The following TMEM132C variants were observed in gnomAD, a reference collection of about 807,000 sequenced individuals.
TMEM132C encodes the protein transmembrane protein 132C.
In TMEM132C, 29 loss-of-function variants were observed where a neutral mutation model predicts 61.4. That is an observed-to-expected ratio of 0.47 (90% CI 0.35 to 0.64). TMEM132C has a LOEUF of 0.64. Among genes scored for constraint, TMEM132C ranks in the 30% least tolerant of loss-of-function variants. The probability of loss-of-function intolerance (pLI) is 0.00; values close to 1 mark genes in which losing one functional copy is unlikely to be tolerated. For missense variants in TMEM132C, 1,408 were observed against 1,476.9 expected (o/e 0.95, Z 0.76); for synonymous variants, 656 against 633.1 (o/e 1.04, Z -0.54).
chr12:128,696,326 A>G (rs1954763764), intron 7 of TMEM132C, among the ~76,000 whole-genome samples: 1 of 152,132 alleles, frequency 6.6e-6, no homozygotes, highest in South Asian at 2.1e-4. Flanking sequence ...CTCATTCTCA[A>G]TGGCTGCCTC....
chr12:128,585,136 C>T (rs566646918), intron 3 of TMEM132C, among the ~76,000 whole-genome samples: 440 of 152,320 alleles, frequency 2.9e-3, no homozygotes, highest in Non-Finnish European at 4.5e-3. Context: ...ACGTACAGGC[C>T]GTGGCTACTT....
chr12:128,584,459 A>C (rs1307905644), intron 3 of TMEM132C, among the ~76,000 whole-genome samples: 1 of 152,290 alleles, frequency 6.6e-6, no homozygotes, highest in Middle Eastern at 3.4e-3. Context: ...TTCTAGTGTA[A>C]GTACTCGTTT....
chr12:128,374,958 A>G (rs10773531), intron 1 of TMEM132C, among the ~76,000 whole-genome samples: 101,859 of 140,852 alleles, frequency 0.72, 40,295 homozygotes, highest in Non-Finnish European at 0.88. Flanking sequence ...ATAGAGACAG[A>G]AATAAAAGAC....
intron 2 of TMEM132C, among the ~76,000 whole-genome samples, chr12:128,481,675 C>T (rs1279273828): frequency 6.6e-6 from 1 of 152,122 alleles, no homozygotes; most frequent in Non-Finnish European, 1.5e-5. Context: ...CCTGCCTTCC[C>T]AAAAAGGGAA....
chr12:128,533,178 C>A (rs11059739), intron 2 of TMEM132C, among the ~76,000 whole-genome samples: 5,650 of 152,194 alleles, frequency 0.037, 142 homozygotes, highest in Middle Eastern at 0.12. Context: ...GGCTTTCCTG[C>A]GCAATGCCCA....
intron 3 of TMEM132C, among the ~76,000 whole-genome samples, chr12:128,609,261 AGTTACCCCCAC>A (rs1876543758): frequency 2.4e-5 from 1 of 41,732 alleles, no homozygotes; most frequent in African/African-American, 9.7e-5. Flanking sequence ...CCTCCCTGCA[AGTTACCCCCAC>A]CTCCCTGCAA....
At chr12:128,340,532 A>AT (rs143376715) in intron 1 of TMEM132C, among the ~76,000 whole-genome samples, 12,280 of 152,240 alleles carry the variant, frequency 0.081, 921 homozygotes, top group African/African-American at 0.2. Flanking sequence ...GACCCAGTAT[A>AT]TTAATGGCAT....
chr12:128,344,251 G>A (rs1043574974), intron 1 of TMEM132C, among the ~76,000 whole-genome samples: 7 of 152,100 alleles, frequency 4.6e-5, no homozygotes, highest in Non-Finnish European at 5.9e-5. Context: ...TCCGCCTCCC[G>A]GGTTCACGCC....
chr12:128,272,133 C>T (rs1047685251), intron 1 of TMEM132C, among the ~76,000 whole-genome samples: 7 of 152,194 alleles, frequency 4.6e-5, no homozygotes, highest in Admixed American at 1.3e-4. Context: ...ACTAGGATTG[C>T]GGTATAGAAC....
At chr12:128,693,582 C>T (rs1954735094) in intron 5 of TMEM132C, among the ~76,000 whole-genome samples, 1 of 152,172 alleles carries the variant, frequency 6.6e-6, no homozygotes, top group Non-Finnish European at 1.5e-5. Flanking sequence ...CCTGTAACAG[C>T]CTAAAAAATG....
chr12:128,661,436 G>C (rs1954388446), intron 4 of TMEM132C, among the ~76,000 whole-genome samples: 1 of 152,148 alleles, frequency 6.6e-6, no homozygotes, highest in African/African-American at 2.4e-5. Context: ...GGGAAGGACG[G>C]CCTCACACGC....
At chr12:128,491,044 T>A (rs779568153) in intron 2 of TMEM132C, among the ~76,000 whole-genome samples, 3 of 151,588 alleles carry the variant, frequency 2.0e-5, no homozygotes, top group Admixed American at 1.3e-4. Context: ...GAGTAAGGAG[T>A]GGAGTTGAGA....
At chr12:128,483,177 G>C (rs1020268995) in intron 2 of TMEM132C, among the ~76,000 whole-genome samples, 2 of 149,758 alleles carry the variant, frequency 1.3e-5, no homozygotes, top group African/African-American at 4.9e-5. Context: ...CTGAGGTGGG[G>C]CGATTGCTTG....
At chr12:128,598,800 G>A (rs1876061619) in intron 3 of TMEM132C, among the ~76,000 whole-genome samples, 2 of 134,080 alleles carry the variant, frequency 1.5e-5, no homozygotes, top group Admixed American at 8.4e-5. Context: ...ACATTTTACT[G>A]TAATGCTGGG....
At chr12:128,655,517 G>A (rs577598358) in intron 4 of TMEM132C, among the ~76,000 whole-genome samples, 17 of 151,768 alleles carry the variant, frequency 1.1e-4, no homozygotes, top group Non-Finnish European at 2.5e-4. Flanking sequence ...CACGCCAGTC[G>A]GCTGCTGGGC....
chr12:128,557,525 G>A (rs939172436), intron 3 of TMEM132C, among the ~76,000 whole-genome samples: 3 of 152,126 alleles, frequency 2.0e-5, no homozygotes, highest in Non-Finnish European at 2.9e-5. Context: ...TTACCAAGAG[G>A]CACAGGTGAG....
At chr12:128,679,534 TAGGAGC>T (rs1379765144) in intron 5 of TMEM132C, among the ~76,000 whole-genome samples, 2 of 152,192 alleles carry the variant, frequency 1.3e-5, no homozygotes, top group Non-Finnish European at 2.9e-5. Flanking sequence ...TGGTGGCTTA[TAGGAGC>T]ACAAGTGGCC....
chr12:128,413,243 G>A (rs1447042953), intron 1 of TMEM132C, among the ~76,000 whole-genome samples: 1 of 134,584 alleles, frequency 7.4e-6, no homozygotes, highest in African/African-American at 2.7e-5. Flanking sequence ...AGCTTGCAGT[G>A]AGCCGAGATC....
At chr12:128,344,942 T>A (rs1873101429) in intron 1 of TMEM132C, among the ~76,000 whole-genome samples, 1 of 145,336 alleles carries the variant, frequency 6.9e-6, no homozygotes, top group Admixed American at 6.9e-5. Flanking sequence ...TTTTTTTTTT[T>A]AAATTTCCAG....
Sources: gnomAD v4.1 joint callset for allele counts (sites outside exome capture counted in the v4.1 genomes callset) on GRCh38, gnomAD v4.1.1 for gene constraint, MANE v1.5 for transcripts, NCBI Gene and HGNC (gene_info 2026-07-23, HGNC 2026-07-21) for gene names.